Variants in CALCRL observed in about 807,000 individuals in gnomAD.
CALCRL encodes calcitonin receptor like receptor.
Under a neutral mutation model 60.4 loss-of-function variants are expected in CALCRL, and 27 were observed. That is an observed-to-expected ratio of 0.45 (90% CI 0.33 to 0.62). The LOEUF (loss-of-function observed/expected upper bound fraction) is 0.62. CALCRL is among the 20% of genes least tolerant of loss of function. The probability of loss-of-function intolerance (pLI) is 0.03; values close to 1 mark genes in which losing one functional copy is unlikely to be tolerated. For missense variants in CALCRL, 424 were observed against 540.7 expected (o/e 0.78, Z 2.14); for synonymous variants, 190 against 182.6 (o/e 1.04, Z -0.33).
chr2:187,357,298 T>A (rs1045713766), intron 12 of CALCRL, among the ~76,000 whole-genome samples: 6 of 152,012 alleles, frequency 3.9e-5, no homozygotes, highest in African/African-American at 1.5e-4. Context: ...ATGTGGCATA[T>A]ATACACCATG....
At chr2:187,383,919 A>G (rs2105786704) in intron 4 of CALCRL, among the ~76,000 whole-genome samples, 1 of 152,328 alleles carries the variant, frequency 6.6e-6, no homozygotes, top group East Asian at 1.9e-4. Context: ...CCAATATAGT[A>G]GCACTATTTT....
intron 8 of CALCRL, among the ~76,000 whole-genome samples, chr2:187,373,393 T>C (rs1039131776): frequency 3.9e-5 from 6 of 152,212 alleles, no homozygotes; most frequent in African/African-American, 1.4e-4. Context: ...AAAAATCTTA[T>C]TACTTTTGAC....
chr2:187,412,829 T>C (rs2105851945), intron 1 of CALCRL, among the ~76,000 whole-genome samples: 1 of 152,336 alleles, frequency 6.6e-6, no homozygotes, highest in Admixed American at 6.5e-5. Flanking sequence ...TATTTGTCCT[T>C]TGGTGACTAA....
chr2:187,361,304 TG>T (rs933730205), intron 9 of CALCRL, among the ~76,000 whole-genome samples: 6 of 152,006 alleles, frequency 3.9e-5, no homozygotes, highest in Non-Finnish European at 8.8e-5. Flanking sequence ...GACAAAATTA[TG>T]GTTTCCCTTC....
intron 1 of CALCRL, among the ~76,000 whole-genome samples, chr2:187,428,113 T>C (rs1200026525): frequency 6.6e-6 from 1 of 152,140 alleles, no homozygotes; most frequent in Non-Finnish European, 1.5e-5. Context: ...GGGAAGCATA[T>C]TCATGAGGGA....
chr2:187,365,179 T>C (rs907394280), intron 8 of CALCRL, among the ~76,000 whole-genome samples: 4 of 152,208 alleles, frequency 2.6e-5, no homozygotes, highest in Non-Finnish European at 5.9e-5. Flanking sequence ...AGTGACATAA[T>C]TACTTTCTGT....
At chr2:187,405,385 ATCACTTGTTTTC>A (rs1470301098) in intron 1 of CALCRL, among the ~76,000 whole-genome samples, 2 of 152,010 alleles carry the variant, frequency 1.3e-5, no homozygotes, top group Non-Finnish European at 2.9e-5. Flanking sequence ...TGTCTCCAAA[ATCACTTGTTTTC>A]TCACCAATAC....
chr2:187,408,267 GTTTA>G (rs1234986522), intron 1 of CALCRL, among the ~76,000 whole-genome samples: 1 of 151,908 alleles, frequency 6.6e-6, no homozygotes, highest in Non-Finnish European at 1.5e-5. Flanking sequence ...CTATTTTCAT[GTTTA>G]TTTATATATT....
intron 1 of CALCRL, among the ~76,000 whole-genome samples, chr2:187,391,222 A>G (rs190272979): frequency 4.7e-4 from 72 of 152,308 alleles, no homozygotes; most frequent in Non-Finnish European, 8.8e-4. Context: ...TGATTCAGCA[A>G]GTACTTCTCT....
intron 1 of CALCRL, among the ~76,000 whole-genome samples, chr2:187,412,479 G>A (rs1339479515): frequency 2.6e-5 from 4 of 152,106 alleles, no homozygotes; most frequent in African/African-American, 9.7e-5. Context: ...CATCTATGAA[G>A]TTAAATATTT....
intron 12 of CALCRL, among the ~76,000 whole-genome samples, chr2:187,358,180 G>A (rs1469768701): frequency 5.9e-5 from 9 of 151,852 alleles, no homozygotes; most frequent in African/African-American, 2.2e-4. Context: ...GTGAGATCCT[G>A]TCTCTATAAA....
intron 1 of CALCRL, 43 bp from the exon 2 acceptor site, chr2:187,387,799 A>G (rs1688269000): frequency 2.6e-6 from 1 of 392,032 alleles, no homozygotes; most frequent in East Asian, 3.6e-5. Context: ...TATGCTAATG[A>G]CCAAAATTAT....
intron 1 of CALCRL, among the ~76,000 whole-genome samples, chr2:187,389,827 C>T (rs1035020675): frequency 9.9e-5 from 15 of 151,934 alleles, no homozygotes; most frequent in South Asian, 4.1e-4. Flanking sequence ...ACTTTATCTA[C>T]GAATTTATTG....
At chr2:187,409,744 C>G (rs1172884603) in intron 1 of CALCRL, among the ~76,000 whole-genome samples, 3 of 152,166 alleles carry the variant, frequency 2.0e-5, no homozygotes, top group Non-Finnish European at 4.4e-5. Context: ...ATGACCTAAT[C>G]TGGAGCATTA....
At chr2:187,419,110 T>G (rs1036565457) in intron 1 of CALCRL, among the ~76,000 whole-genome samples, 2 of 149,110 alleles carry the variant, frequency 1.3e-5, no homozygotes, top group Non-Finnish European at 3.0e-5. Flanking sequence ...CCTGACCTCA[T>G]GATCCACCCG....
At position 187,372,808 on chromosome 2, in the gene CALCRL, T is replaced by C. The variant is rs565189673; in HGVS notation, c.500+6132A>G. ...TGATTTTATGTGAAACATCAGCTCC[T>C]CTAGGAATTGTTTTCAGGTTAGTTG... is the stretch of plus-strand genomic sequence containing the variant. On this transcript the variant is annotated intron_variant, in intron 8 of 14. Coordinates refer to ENST00000392370, the MANE Select transcript of CALCRL (RefSeq NM_005795.6). Among the ~76,000 whole-genome samples, 184 of 152,304 alleles carry C rather than the reference T, an allele frequency of 1.2e-3. 2 individuals are homozygous for C. The highest frequency in any genetic ancestry group is 3.4e-3 in the Middle Eastern group (1 of 294).
intron 14 of CALCRL, 105 bp from the exon 15 acceptor site, chr2:187,346,504 TA>T: frequency 1.4e-6 from 1 of 718,898 alleles, no homozygotes; most frequent in Non-Finnish European, 2.2e-6. Context: ...AGAGCTTTTT[TA>T]AAAAAAGTTA....
chr2:187,394,816 T>C (rs1201197841), intron 1 of CALCRL, among the ~76,000 whole-genome samples: 1 of 152,040 alleles, frequency 6.6e-6, no homozygotes, highest in African/African-American at 2.4e-5. Flanking sequence ...TCTTATACAC[T>C]TAAACTCTCT....
chr2:187,429,591 A>G (rs1228833304), intron 1 of CALCRL, among the ~76,000 whole-genome samples: 1 of 152,210 alleles, frequency 6.6e-6, no homozygotes, highest in Non-Finnish European at 1.5e-5. Flanking sequence ...ATTCAAACTA[A>G]TATGATGGCA....
Sources: gnomAD v4.1 joint callset for allele counts (sites outside exome capture counted in the v4.1 genomes callset) on GRCh38, gnomAD v4.1.1 for gene constraint, MANE v1.5 for transcripts, NCBI Gene and HGNC (gene_info 2026-07-23, HGNC 2026-07-21) for gene names.